Variants in RIPOR2 observed in about 807,000 individuals in gnomAD.
RIPOR2 encodes RHO family interacting cell polarization regulator 2, also known as rho family-interacting cell polarization regulator 2.
A neutral mutation model predicts 114.5 loss-of-function variants in RIPOR2; 39 were observed. The ratio of observed to expected loss-of-function variants is 0.34; its 90% CI spans 0.26 to 0.44. RIPOR2 has a LOEUF of 0.44. Among genes scored for constraint, RIPOR2 ranks in the 20% least tolerant of loss-of-function variants. The pLI is 1.00. For synonymous variants in RIPOR2, 445 were observed against 484.4 expected, an observed-to-expected ratio of 0.92 and a Z score of 1.07; for missense variants, 1,007 against 1,255.1, an observed-to-expected ratio of 0.80 and a Z score of 2.99.
chr6:25,030,197 C>T (rs184075649), intron 1 of RIPOR2, among the ~76,000 whole-genome samples: 3 of 152,182 alleles, frequency 2.0e-5, no homozygotes, highest in Admixed American at 1.3e-4. Context: ...GTTGTATAAT[C>T]ATATACAATG....
At chr6:24,971,866 G>A (rs1016971549) in intron 1 of RIPOR2, among the ~76,000 whole-genome samples, 2 of 139,352 alleles carry the variant, frequency 1.4e-5, no homozygotes, top group Non-Finnish European at 3.3e-5. Context: ...CAAGTTTAAT[G>A]AGTCTTGCCA....
chr6:24,966,686 C>A (rs1244041432), intron 1 of RIPOR2, among the ~76,000 whole-genome samples: 3 of 152,088 alleles, frequency 2.0e-5, no homozygotes, highest in African/African-American at 2.4e-5. Flanking sequence ...ATGGGAAGGA[C>A]AATGGAGAGT....
rs1294990663 is a variant in RIPOR2, at chr6:24,843,419, T to C, written c.1300A>G (p.Thr434Ala). ...SHSTGSPSNS[T>A]NPEITITPAE... ...GGGGTGATGGTAATTTCTGGATTTG[T>C]TGAGTTGGAAGGGGAGCCTGTTGAG... is the stretch of plus-strand genomic sequence containing the variant. Residue 434 changes from threonine (T) to alanine (A), a missense_variant, in exon 13 of 22, where the codon ACA (threonine) becomes GCA (alanine). Transcript: ENST00000643898. The C allele has an allele frequency of 6.2e-7, 1 of 1,613,720 alleles. No homozygotes were observed. Among genetic ancestry groups the C allele is most frequent in the East Asian group, 2.2e-5 (1 of 44,872 alleles).
At chr6:25,038,601 G>T (rs1001772611) in intron 1 of RIPOR2, among the ~76,000 whole-genome samples, 1 of 152,176 alleles carries the variant, frequency 6.6e-6, no homozygotes, top group Non-Finnish European at 1.5e-5. Flanking sequence ...GTTGCTGAAG[G>T]CCTCAGGCCT....
intron 1 of RIPOR2, among the ~76,000 whole-genome samples, chr6:24,905,673 T>C (rs1390843927): frequency 6.6e-6 from 1 of 152,218 alleles, no homozygotes; most frequent in Non-Finnish European, 1.5e-5. Context: ...TCAAGCGTCA[T>C]ACTGGAATTG....
chr6:24,865,931 A>C (rs1373756180), intron 6 of RIPOR2, among the ~76,000 whole-genome samples: 1 of 152,226 alleles, frequency 6.6e-6, no homozygotes, highest in Non-Finnish European at 1.5e-5. Flanking sequence ...GGGTTTGTAC[A>C]ATTTCATACC....
chr6:25,028,094 G>A (rs369623650), intron 1 of RIPOR2, among the ~76,000 whole-genome samples: 6 of 152,318 alleles, frequency 3.9e-5, no homozygotes, highest in Admixed American at 3.9e-4. Flanking sequence ...TAGGCATTCT[G>A]TAGAGATTTG....
At chr6:24,885,145 A>G (rs967945190) in intron 1 of RIPOR2, among the ~76,000 whole-genome samples, 18 of 152,214 alleles carry the variant, frequency 1.2e-4, no homozygotes, top group African/African-American at 3.4e-4. Context: ...ATGAGTATAC[A>G]TAAAGCGGAT....
intron 1 of RIPOR2, among the ~76,000 whole-genome samples, chr6:24,906,492 C>G (rs1284137706): frequency 6.6e-6 from 1 of 152,192 alleles, no homozygotes; most frequent in African/African-American, 2.4e-5. Flanking sequence ...TGCAACACCT[C>G]TGAGTGAAAG....
chr6:24,923,327 A>C (rs1770641058), intron 1 of RIPOR2, among the ~76,000 whole-genome samples: 1 of 152,218 alleles, frequency 6.6e-6, no homozygotes. Flanking sequence ...TGCTGCTATG[A>C]ATATGATATA....
At chr6:24,892,332 G>A (rs766721209) in intron 1 of RIPOR2, among the ~76,000 whole-genome samples, 16 of 151,982 alleles carry the variant, frequency 1.1e-4, no homozygotes, top group African/African-American at 2.2e-4. Context: ...GTATAATGGC[G>A]CAATCATAGC....
At chr6:25,040,459 C>G (rs910212573) in intron 1 of RIPOR2, among the ~76,000 whole-genome samples, 2 of 152,224 alleles carry the variant, frequency 1.3e-5, no homozygotes, top group Middle Eastern at 6.8e-3. Context: ...GCACATAAAC[C>G]AGGGCTTGGC....
rs1289814502 is a variant in RIPOR2 at position 24,830,538 on chromosome 6, T to C, written c.2477A>G (p.Asn826Ser). The C allele has an allele frequency of 4.1e-5, 64 of 1,551,086 alleles. No homozygotes were observed. The highest frequency in any genetic ancestry group is 5.4e-5 in the Non-Finnish European group (62 of 1,146,920). The change falls in exon 17 of 22, where the codon AAC becomes AGC. Residue 826 changes from asparagine to serine, a missense_variant. By Grantham distance (46) the Asn-to-Ser change is conservative. Coordinates refer to ENST00000643898, the MANE Select transcript of RIPOR2 (RefSeq NM_001286445.3). Reference sequence around the variant, plus strand: ...GTCTGCAAGTCCTGGATATTCTTTGTTGACAGTTCTGGCAAAGCTGGCCTC... The same window carrying C: ...GTCTGCAAGTCCTGGATATTCTTTGCTGACAGTTCTGGCAAAGCTGGCCTC... ...QLEASFARTV[N>S]KEYPGLADPV...
At chr6:24,972,341 C>A (rs1449401313) in intron 1 of RIPOR2, among the ~76,000 whole-genome samples, 1 of 152,234 alleles carries the variant, frequency 6.6e-6, no homozygotes, top group Admixed American at 6.5e-5. Flanking sequence ...TCTTAACCTG[C>A]ATAACTTAGA....
chr6:24,939,746 T>G (rs1772019977), upstream of RIPOR2, among the ~76,000 whole-genome samples: 1 of 152,212 alleles, frequency 6.6e-6, no homozygotes, highest in Non-Finnish European at 1.5e-5. Context: ...TGCTTTTCAG[T>G]GATTGAGGCA....
At chr6:25,041,450 C>T (rs1777459498) in intron 1 of RIPOR2, among the ~76,000 whole-genome samples, 1 of 152,234 alleles carries the variant, frequency 6.6e-6, no homozygotes, top group South Asian at 2.1e-4. Context: ...TCTAGCGACA[C>T]TGCTGATAAC....
chr6:25,031,957 T>C (rs1241186304), intron 1 of RIPOR2, among the ~76,000 whole-genome samples: 1 of 151,514 alleles, frequency 6.6e-6, no homozygotes, highest in Non-Finnish European at 1.5e-5. Context: ...TGTATTTTCT[T>C]CACCACCTAT....
chr6:24,890,275 G>C (rs969154579), intron 1 of RIPOR2, among the ~76,000 whole-genome samples: 23 of 152,268 alleles, frequency 1.5e-4, no homozygotes, highest in Non-Finnish European at 2.2e-4. Context: ...GGGTTGATTT[G>C]ATAAAGAAAA....
chr6:24,914,030 T>C (rs1769879829), intron 1 of RIPOR2, among the ~76,000 whole-genome samples: 2 of 152,098 alleles, frequency 1.3e-5, no homozygotes, highest in African/African-American at 4.8e-5. Flanking sequence ...ACATATAAAT[T>C]TTAAATTGAA....
Sources: gnomAD v4.1 joint callset for allele counts (sites outside exome capture counted in the v4.1 genomes callset) on GRCh38, gnomAD v4.1.1 for gene constraint, MANE v1.5 for transcripts, NCBI Gene and HGNC (gene_info 2026-07-23, HGNC 2026-07-21) for gene names.